Variants in SGCZ observed in about 807,000 individuals in gnomAD.
The protein encoded by SGCZ is zeta-sarcoglycan.
SGCZ carries 40 observed loss-of-function variants against 41.3 expected under a neutral mutation model. That is an observed-to-expected ratio of 0.97 (90% CI 0.75 to 1.26). The LOEUF (loss-of-function observed/expected upper bound fraction) is 1.26. Ranked by LOEUF, SGCZ falls within the 50% of genes most tolerant of loss-of-function variation. The pLI is 0.00. For missense variants in SGCZ, 552 were observed against 369.8 expected, an observed-to-expected ratio of 1.49 and a Z score of -4.04; for synonymous variants, 206 against 137.5, an observed-to-expected ratio of 1.50 and a Z score of -3.49.
chr8:14,182,530 A>T (rs1804762299), intron 4 of SGCZ, among the ~76,000 whole-genome samples: 1 of 152,212 alleles, frequency 6.6e-6, no homozygotes, highest in Non-Finnish European at 1.5e-5. Context: ...TGTCCAACTC[A>T]TTCTTTGGTC....
At chr8:15,156,384 C>A (rs942824957) in intron 1 of SGCZ, among the ~76,000 whole-genome samples, 1 of 152,134 alleles carries the variant, frequency 6.6e-6, no homozygotes, top group African/African-American at 2.4e-5. Flanking sequence ...AATGGCTTAT[C>A]ACCTGTCCTA....
At chr8:15,091,348 T>C (rs907785288) in intron 1 of SGCZ, among the ~76,000 whole-genome samples, 1 of 152,216 alleles carries the variant, frequency 6.6e-6, no homozygotes, top group African/African-American at 2.4e-5. Context: ...GATAATTCAA[T>C]TAAACCAAGA....
At chr8:14,402,696 G>A (rs1799110945) in intron 2 of SGCZ, among the ~76,000 whole-genome samples, 2 of 146,272 alleles carry the variant, frequency 1.4e-5, no homozygotes, top group Admixed American at 6.6e-5. Context: ...CTATAGCCTT[G>A]TAGTATAGTT....
chr8:14,298,821 G>A (rs1259133618), intron 3 of SGCZ, among the ~76,000 whole-genome samples: 1 of 152,030 alleles, frequency 6.6e-6, no homozygotes, highest in Non-Finnish European at 1.5e-5. Context: ...GTGTGTGGGT[G>A]TGTGTGATTC....
At chr8:14,312,665 G>C (rs80263044) in intron 3 of SGCZ, among the ~76,000 whole-genome samples, 1 of 151,790 alleles carries the variant, frequency 6.6e-6, no homozygotes, top group East Asian at 1.9e-4. Context: ...GGAAGAGGAG[G>C]AGGAAGAGGA....
intron 3 of SGCZ, among the ~76,000 whole-genome samples, chr8:14,296,639 G>C (rs1801022035): frequency 1.3e-5 from 2 of 152,084 alleles, no homozygotes; most frequent in South Asian, 4.1e-4. Flanking sequence ...CCCATACAAT[G>C]TTAATTCAAG....
At chr8:14,102,092 A>ATATAATATG (rs1802043317) in intron 7 of SGCZ, among the ~76,000 whole-genome samples, 1 of 103,330 alleles carries the variant, frequency 9.7e-6, no homozygotes, top group Non-Finnish European at 1.9e-5. Context: ...ATATATATAT[A>ATATAATATG]TATATATATA....
intron 2 of SGCZ, among the ~76,000 whole-genome samples, chr8:14,441,088 G>C (rs79343197): frequency 6.6e-6 from 1 of 152,028 alleles, no homozygotes; most frequent in African/African-American, 2.4e-5. Context: ...CAGGACCGAA[G>C]TCTGGTCCTC....
At chr8:14,482,964 C>T (rs1801574562) in intron 2 of SGCZ, among the ~76,000 whole-genome samples, 1 of 152,042 alleles carries the variant, frequency 6.6e-6, no homozygotes, top group Non-Finnish European at 1.5e-5. Flanking sequence ...AACACGTGAG[C>T]CAATTCTTAC....
chr8:14,372,760 T>A (rs1803959692), intron 2 of SGCZ, among the ~76,000 whole-genome samples: 1 of 151,690 alleles, frequency 6.6e-6, no homozygotes. Flanking sequence ...AGTATCCGAG[T>A]AATAGCAAGG....
At chr8:14,452,822 C>T (rs1585534039) in intron 2 of SGCZ, among the ~76,000 whole-genome samples, 1 of 151,966 alleles carries the variant, frequency 6.6e-6, no homozygotes, top group Admixed American at 6.6e-5. Flanking sequence ...GAGTAAGGGG[C>T]CGGGTGTGGA....
chr8:15,091,386 G>T (rs1045566509), intron 1 of SGCZ, among the ~76,000 whole-genome samples: 1 of 152,194 alleles, frequency 6.6e-6, no homozygotes, highest in Non-Finnish European at 1.5e-5. Context: ...ACAAGAAAAT[G>T]TGTATTTTTC....
At chr8:14,909,509 T>C (rs906861617) in intron 1 of SGCZ, among the ~76,000 whole-genome samples, 2 of 152,314 alleles carry the variant, frequency 1.3e-5, no homozygotes, top group Admixed American at 6.5e-5. Context: ...GTGTCTGATT[T>C]ATCTGTGCTA....
At position 14,990,051 on chromosome 8, in the gene SGCZ, T is replaced by C. The variant is rs76831448; in HGVS notation, c.39+247534A>G. On this transcript the variant is annotated intron_variant, in intron 1 of 7. Coordinates refer to ENST00000382080, the MANE Select transcript of SGCZ (RefSeq NM_139167.4). ...AGCACTTTCCTTTGTTATTTGCTGA[T>C]AACCAATGCCTTACCCTCCCAGTGC... Among the ~76,000 whole-genome samples, 761 of 152,292 alleles carry C rather than the reference T, an allele frequency of 5.0e-3. 26 individuals carry two copies. In the East Asian group the frequency reaches 0.1, roughly 21 times the overall value.
At position 14,234,795 on chromosome 8, in the gene SGCZ, C is replaced by G. The variant is rs115555610; in HGVS notation, c.424+2797G>C. Among the ~76,000 whole-genome samples the G allele has an allele frequency of 2.2e-3, 341 of 152,226 alleles. 1 individual carries two copies. The highest frequency in any genetic ancestry group is 6.8e-3 in the African/African-American group (281 of 41,570). On this transcript the variant is annotated intron_variant, in intron 4 of 7. Coordinates refer to ENST00000382080, the MANE Select transcript of SGCZ (RefSeq NM_139167.4). ...TGCTTGATTCATTCAAGTATGTCTT[C>G]AAACTCTACATAAAGGTAAATTTAT...
At chr8:14,719,288 A>C (rs1037086873) in intron 1 of SGCZ, among the ~76,000 whole-genome samples, 2 of 149,052 alleles carry the variant, frequency 1.3e-5, no homozygotes, top group Non-Finnish European at 3.0e-5. Flanking sequence ...AGTCTTTGCT[A>C]TTGTGAATAG....
intron 1 of SGCZ, among the ~76,000 whole-genome samples, chr8:14,731,987 A>G (rs894001334): frequency 6.6e-6 from 1 of 152,200 alleles, no homozygotes; most frequent in Non-Finnish European, 1.5e-5. Flanking sequence ...CTAATGGAGT[A>G]TTAAAGGAAA....
At chr8:14,309,939 G>A (rs761326702) in intron 3 of SGCZ, among the ~76,000 whole-genome samples, 1 of 151,492 alleles carries the variant, frequency 6.6e-6, no homozygotes, top group Non-Finnish European at 1.5e-5. Context: ...TGTGTTCCTG[G>A]CCCACTCTGT....
At chr8:14,778,003 A>G (rs1313107130) in intron 1 of SGCZ, among the ~76,000 whole-genome samples, 4 of 151,954 alleles carry the variant, frequency 2.6e-5, no homozygotes, top group Non-Finnish European at 2.9e-5. Flanking sequence ...AGCTCACTGT[A>G]ACCTTCATCT....
Sources: gnomAD v4.1 joint callset for allele counts (sites outside exome capture counted in the v4.1 genomes callset) on GRCh38, gnomAD v4.1.1 for gene constraint, MANE v1.5 for transcripts, NCBI Gene and HGNC (gene_info 2026-07-23, HGNC 2026-07-21) for gene names.